PIR: variants seen among roughly 807,000 people sequenced by gnomAD.
PIR encodes pirin (iron-binding nuclear protein).
In PIR, 22 loss-of-function variants were observed where a neutral mutation model predicts 24.2. The ratio of observed to expected loss-of-function variants is 0.91; its 90% CI spans 0.65 to 1.30. The LOEUF is 1.30. PIR is among the 50% of genes most tolerant of loss of function. PIR has a pLI of 0.00. For synonymous variants in PIR, 80 were observed against 79.6 expected (o/e 1.00, Z -0.03); for missense variants, 220 against 220.3 (o/e 1.00, Z 0.01).
At chrX:15,434,560 G>A (rs1398537670) in intron 5 of PIR, among the ~76,000 whole-genome samples, 2 of 110,918 alleles carry the variant, frequency 1.8e-5, no homozygotes, top group Non-Finnish European at 3.8e-5. Context: ...CAGTGTGGGT[G>A]GATGTCAAGT....
intron 6 of PIR, among the ~76,000 whole-genome samples, chrX:15,417,319 T>C (rs1924958491): frequency 8.9e-6 from 1 of 112,631 alleles, no homozygotes; most frequent in Admixed American, 9.4e-5. Context: ...AGACAATACA[T>C]GTTGTTCTAA....
intron 5 of PIR, among the ~76,000 whole-genome samples, chrX:15,433,071 A>G (rs2147038530): frequency 8.9e-6 from 1 of 112,882 alleles, no homozygotes; most frequent in Admixed American, 9.3e-5. Context: ...CCTGGGCACC[A>G]TGCAAATGGA....
At chrX:15,421,822 C>A (rs1054948259) in intron 6 of PIR, among the ~76,000 whole-genome samples, 1 of 111,109 alleles carries the variant, frequency 9.0e-6, no homozygotes, top group African/African-American at 3.3e-5. Flanking sequence ...ATACCAAAAC[C>A]AGACAAGAAC....
chrX:15,491,085 T>A, intron 2 of PIR, 77 bp downstream of exon 2: 1 of 720,850 alleles, frequency 1.4e-6, no homozygotes, highest in Non-Finnish European at 2.2e-6. Context: ...CTTGGCCCCC[T>A]CTTCCCAAAA....
intron 5 of PIR, among the ~76,000 whole-genome samples, chrX:15,437,371 G>C (rs751998020): frequency 1.8e-5 from 2 of 112,020 alleles, no homozygotes; most frequent in Non-Finnish European, 3.8e-5. Context: ...TTCTAGATTC[G>C]TGTTGCCCTA....
At chrX:15,409,103 T>C (rs1924642872) in intron 6 of PIR, among the ~76,000 whole-genome samples, 1 of 93,770 alleles carries the variant, frequency 1.1e-5, no homozygotes, top group South Asian at 5.4e-4. Context: ...CCCTTTTTTT[T>C]TTTTTTTTTT....
chrX:15,413,252 C>G (rs1308867368), intron 6 of PIR, among the ~76,000 whole-genome samples: 1 of 111,422 alleles, frequency 9.0e-6, no homozygotes, highest in Admixed American at 9.6e-5. Context: ...AGGCTGTGAC[C>G]CAGGCCAGAG....
chrX:15,454,711 C>T (rs1213187039), intron 5 of PIR, among the ~76,000 whole-genome samples: 1 of 111,533 alleles, frequency 9.0e-6, no homozygotes, highest in African/African-American at 3.3e-5. Flanking sequence ...TGGTTGTGCA[C>T]TGGGAGAATG....
chrX:15,425,999 G>A lies in PIR; in HGVS notation c.481-9C>T, dbSNP rs760741248. ...CGAGTGTAAACCTTGGACTGAAAAG[G>A]AAAAGGAAACCATCAGTGTTTTTTT... On this transcript the variant is annotated splice_polypyrimidine_tract_variant and intron_variant, in intron 5 of 9. Coordinates refer to ENST00000380420, the MANE Select transcript of PIR (RefSeq NM_001018109.3). The A allele has an allele frequency of 2.7e-6, 3 of 1,114,766 alleles. No individual in the cohort carries two copies. Among genetic ancestry groups the A allele is most frequent in the South Asian group, 1.9e-5 (1 of 53,863 alleles). 91.9% of individuals were successfully genotyped at this position (1,114,766 alleles called of 1,213,427 possible).
Position 15,426,100 on chromosome X carries a change from T to C in PIR, c.481-110A>G, listed in dbSNP as rs183177987. The C allele has an allele frequency of 5.6e-4, 269 of 478,880 alleles. No individual in the cohort carries two copies. The African/African-American group carries it at 5.9e-3, about 10-fold the overall frequency. 39.5% of individuals were successfully genotyped at this position (478,880 alleles called of 1,213,427 possible). ...GGACCTGGATCCATTATATATATAG[T>C]TCCTCCTAGGGAAGTGTTAAAGCCG... On this transcript the variant is annotated intron_variant, in intron 5 of 9. Coordinates refer to ENST00000380420, the MANE Select transcript of PIR (RefSeq NM_001018109.3).
At chrX:15,477,639 G>T (rs762239952) in intron 3 of PIR, among the ~76,000 whole-genome samples, 2 of 103,406 alleles carry the variant, frequency 1.9e-5, no homozygotes, top group African/African-American at 7.1e-5. Context: ...TATTGTGTGT[G>T]GGAGCCATTT....
chrX:15,483,097 T>G (rs1922596041), intron 2 of PIR, among the ~76,000 whole-genome samples: 1 of 107,362 alleles, frequency 9.3e-6, no homozygotes, highest in Admixed American at 1.0e-4. Flanking sequence ...CATTCTCCGG[T>G]TTTATCTTTA....
chrX:15,463,677 C>T (rs774564726), intron 3 of PIR, among the ~76,000 whole-genome samples: 5 of 112,169 alleles, frequency 4.5e-5, no homozygotes, highest in Non-Finnish European at 9.4e-5. Context: ...TCTGGGAACT[C>T]GCTATGGTAA....
intron 7 of PIR, 62 bp from the exon 8 acceptor site, chrX:15,397,593 T>G: frequency 1.3e-6 from 1 of 775,981 alleles, no homozygotes; most frequent in Non-Finnish European, 2.0e-6. Context: ...TATGGTTACT[T>G]ATTTGGTTAA....
chrX:15,428,975 T>G (rs189486485), intron 5 of PIR, among the ~76,000 whole-genome samples: 1 of 112,209 alleles, frequency 8.9e-6, no homozygotes, highest in East Asian at 2.8e-4. Flanking sequence ...ATTTTTAAAA[T>G]TCTCTTCCAA....
At chrX:15,428,414 C>T (rs1019721507) in intron 5 of PIR, among the ~76,000 whole-genome samples, 1 of 111,809 alleles carries the variant, frequency 8.9e-6, no homozygotes, top group East Asian at 2.8e-4. Flanking sequence ...GGCAATATTT[C>T]GCTGTCCTTC....
intron 2 of PIR, among the ~76,000 whole-genome samples, chrX:15,480,106 T>G (rs1922421392): frequency 9.0e-6 from 1 of 111,216 alleles, no homozygotes; most frequent in Admixed American, 9.6e-5. Context: ...TCCTGTGCTG[T>G]TCTTGTGACA....
At chrX:15,434,793 G>A (rs778451001) in intron 5 of PIR, among the ~76,000 whole-genome samples, 3 of 108,009 alleles carry the variant, frequency 2.8e-5, no homozygotes, top group Non-Finnish European at 3.8e-5. Context: ...CAAGGTTTCT[G>A]ACATGGGTCT....
intron 9 of PIR, among the ~76,000 whole-genome samples, chrX:15,386,674 C>T (rs781715589): frequency 2.7e-5 from 3 of 111,031 alleles, no homozygotes; most frequent in African/African-American, 6.6e-5. Context: ...CAGTCACACA[C>T]GGAGGAAAGG....
Sources: gnomAD v4.1 joint callset for allele counts (sites outside exome capture counted in the v4.1 genomes callset) on GRCh38, gnomAD v4.1.1 for gene constraint, MANE v1.5 for transcripts, NCBI Gene and HGNC (gene_info 2026-07-23, HGNC 2026-07-21) for gene names.